The following CLSTN1 variants were observed in gnomAD, a reference collection of about 807,000 sequenced individuals.
The protein encoded by CLSTN1 is calsyntenin 1.
A neutral mutation model predicts 108.3 loss-of-function variants in CLSTN1; 28 were observed. The observed-to-expected ratio is 0.26, with a 90% CI of 0.19 to 0.35. CLSTN1 has a LOEUF of 0.35. CLSTN1 is among the 10% of genes least tolerant of loss of function. The probability of loss-of-function intolerance (pLI) is 1.00; values close to 1 mark genes in which losing one functional copy is unlikely to be tolerated. For synonymous variants in CLSTN1, 524 were observed against 534.9 expected (o/e 0.98, Z 0.28); for missense variants, 1,157 against 1,302.6 (o/e 0.89, Z 1.72).
chr1:9,779,151 C>T (rs1653117888), intron 1 of CLSTN1, among the ~76,000 whole-genome samples: 1 of 152,194 alleles, frequency 6.6e-6, no homozygotes, highest in African/African-American at 2.4e-5. Flanking sequence ...TCTGTGGGAG[C>T]TTTACGCACA....
chr1:9,798,954 G>C (rs570128085), intron 1 of CLSTN1, among the ~76,000 whole-genome samples: 3 of 152,274 alleles, frequency 2.0e-5, no homozygotes, highest in East Asian at 1.9e-4. Context: ...GGCGGGGCAG[G>C]AGGATCACTT....
intron 1 of CLSTN1, among the ~76,000 whole-genome samples, chr1:9,779,146 G>C (rs575597551): frequency 2.0e-5 from 3 of 152,300 alleles, no homozygotes; most frequent in African/African-American, 7.2e-5. Context: ...GGCTGTCTGT[G>C]GGAGCTTTAC....
Position 9,785,514 on chromosome 1 carries a change from A to C in CLSTN1, c.92-12120T>G, listed in dbSNP as rs574709801. On this transcript the variant is annotated intron_variant, in intron 1 of 18. Transcript: ENST00000377298. ...ACAGCTGGACACTCTGGGCCAGACA[A>C]TGTTTAGCTGTGGGGCTGTCCCGTG... Among the ~76,000 whole-genome samples the C allele has an allele frequency of 3.3e-5, 5 of 152,250 alleles. No homozygotes were observed. The East Asian group carries it at 9.6e-4, about 29-fold the overall frequency.
rs1321959950 is a variant in CLSTN1 at position 9,729,411 on chromosome 1, C to CTGA, written c.*1094_*1096dup. The CTGA allele has an allele frequency of 2.0e-5, 3 of 152,644 alleles. No individual in the cohort carries two copies. Among genetic ancestry groups the CTGA allele is most frequent in the Admixed American group, 6.5e-5 (1 of 15,284 alleles). 9.5% of individuals were successfully genotyped at this position (152,644 alleles called of 1,614,324 possible). A position where few individuals can be genotyped will look rare whatever the true frequency, so the allele number is the denominator to read the frequency against. The stretch of plus-strand genomic sequence containing the variant: ...CTGGGGGAGAGGGATTTCAACCCCC[C>CTGA]TGATGGCAGGGGGTGCTCTGGGGAG... On this transcript the variant is annotated 3_prime_UTR_variant, in exon 19 of 19. Coordinates refer to ENST00000377298, the MANE Select transcript of CLSTN1 (RefSeq NM_001009566.3).
upstream of CLSTN1, chr1:9,824,071 C>A (rs1489174540): frequency 6.9e-6 from 1 of 145,096 alleles, no homozygotes; most frequent in Non-Finnish European, 1.5e-5. This position sits in a 1 kb window ranked among gnomAD's most constrained non-coding sequence, Gnocchi z 5.0. Flanking sequence ...GCGCGGCGGA[C>A]CCTGGGAGCG....
intron 2 of CLSTN1, among the ~76,000 whole-genome samples, chr1:9,770,817 A>T (rs944516566): frequency 6.6e-6 from 1 of 152,026 alleles, no homozygotes; most frequent in African/African-American, 2.4e-5. Flanking sequence ...AACACGGTGA[A>T]ACCCTGTTTC....
chr1:9,763,532 G>A (rs1652184808), intron 2 of CLSTN1, among the ~76,000 whole-genome samples: 1 of 152,128 alleles, frequency 6.6e-6, no homozygotes, highest in African/African-American at 2.4e-5. Context: ...GCCCATTGGG[G>A]GTTTGCAAAC....
At chr1:9,822,982 C>T (rs1655246172) in intron 1 of CLSTN1, among the ~76,000 whole-genome samples, 1 of 152,166 alleles carries the variant, frequency 6.6e-6, no homozygotes, top group South Asian at 2.1e-4. Flanking sequence ...CGCGATTTCA[C>T]CTTTGGGTGA....
chr1:9,773,263 C>A lies in CLSTN1; in HGVS notation c.214+9G>T. The A allele has an allele frequency of 6.2e-7, 1 of 1,613,806 alleles. No homozygotes were observed. Among genetic ancestry groups the A allele is most frequent in the African/African-American group, 1.3e-5 (1 of 75,054 alleles). On this transcript the variant is annotated intron_variant, in intron 2 of 18. Coordinates refer to ENST00000377298, the MANE Select transcript of CLSTN1 (RefSeq NM_001009566.3). ...ATTCATCAAGAGTCAATGAAAGCCC[C>A]GTTCCTACCTGCAAATCGCAGAGGC...
In CLSTN1 at chr1:9,734,199, G is replaced by A. The variant is rs557704201; in HGVS notation, c.2111-57C>T. On this transcript the variant is annotated intron_variant, in intron 14 of 18. Coordinates refer to ENST00000377298, the MANE Select transcript of CLSTN1 (RefSeq NM_001009566.3). This position sits in a 1 kb window ranked among gnomAD's most constrained non-coding sequence, Gnocchi z 4.8. ...TAGGGGCAGTGGGGCCCAGCGTGGCGGGGCACACTGGATGCCCTGCCGGCT... is the reference window on the plus strand; with the variant it reads ...TAGGGGCAGTGGGGCCCAGCGTGGCAGGGCACACTGGATGCCCTGCCGGCT... 2.0e-5 allele frequency: 31 copies of A among 1,545,774 alleles called. No individual in the cohort carries two copies. The highest frequency in any genetic ancestry group is 1.9e-4 in the Admixed American group (11 of 57,724).
intron 7 of CLSTN1, among the ~76,000 whole-genome samples, chr1:9,747,724 G>A (rs978353180): frequency 4.6e-5 from 7 of 152,012 alleles, no homozygotes; most frequent in Non-Finnish European, 7.4e-5. Flanking sequence ...TTAGACCCCT[G>A]ACCTCAAGTG....
At chr1:9,805,247 A>C (rs530942479) in intron 1 of CLSTN1, among the ~76,000 whole-genome samples, 62 of 152,362 alleles carry the variant, frequency 4.1e-4, no homozygotes, top group South Asian at 8.3e-4. Context: ...TTGCTTTGTT[A>C]CTTCAACTAT....
In CLSTN1 at chr1:9,733,158, G is replaced by A. The variant is rs138641706; in HGVS notation, c.2427+243C>T. ...AGTTCCTTAGGCTCCAACTCAGGCT[G>A]AGGCAGCCAGGGAAAGGGGAGCACC... On this transcript the variant is annotated intron_variant, in intron 16 of 18. Coordinates refer to ENST00000377298, the MANE Select transcript of CLSTN1 (RefSeq NM_001009566.3). Among the ~76,000 whole-genome samples, 11 of 152,266 alleles carry A rather than the reference G, an allele frequency of 7.2e-5. No individual in the cohort carries two copies. In the East Asian group the frequency reaches 2.1e-3, roughly 29 times the overall value.
At chr1:9,803,646 T>C (rs557590718) in intron 1 of CLSTN1, among the ~76,000 whole-genome samples, 29 of 151,772 alleles carry the variant, frequency 1.9e-4, no homozygotes, top group Non-Finnish European at 3.5e-4. Context: ...CTACTAAAAA[T>C]ACAAAAATTA....
intron 1 of CLSTN1, among the ~76,000 whole-genome samples, chr1:9,789,430 G>T (rs1322420922): frequency 1.7e-4 from 25 of 151,302 alleles, no homozygotes; most frequent in Admixed American, 1.6e-3. Flanking sequence ...TTCTCGTATT[G>T]TGTAAAATTG....
At chr1:9,733,303 A>T in intron 16 of CLSTN1, 98 bp downstream of exon 16, 2 of 1,457,332 alleles carry the variant, frequency 1.4e-6, no homozygotes, top group Non-Finnish European at 1.9e-6. Flanking sequence ...TGCCATCATG[A>T]ATGCTCTGAG....
intron 1 of CLSTN1, among the ~76,000 whole-genome samples, chr1:9,815,845 AG>A (rs1654947583): frequency 1.3e-5 from 2 of 152,192 alleles, no homozygotes; most frequent in Admixed American, 1.3e-4. Flanking sequence ...CTGAGGCAGG[AG>A]AATCTCTTGA....
At chr1:9,755,741 T>C (rs1651776468) in intron 3 of CLSTN1, among the ~76,000 whole-genome samples, 1 of 151,796 alleles carries the variant, frequency 6.6e-6, no homozygotes, top group African/African-American at 2.4e-5. Context: ...CAGTTATGTG[T>C]TGAGAGAGGA....
intron 4 of CLSTN1, among the ~76,000 whole-genome samples, chr1:9,754,491 G>A (rs115678662): frequency 0.031 from 4,661 of 152,148 alleles, 220 homozygotes; most frequent in African/African-American, 0.1. Context: ...ACCGGAAGGC[G>A]GAGGTTCCAA....
Sources: allele counts gnomAD v4.1 joint callset (sites outside exome capture counted in the v4.1 genomes callset), GRCh38; gene constraint gnomAD v4.1.1; non-coding constraint Gnocchi (gnomAD v3.1); transcripts MANE v1.5; gene names NCBI Gene and HGNC (gene_info 2026-07-23, HGNC 2026-07-21).